The following UIMC1 variants were observed in gnomAD, a reference collection of about 807,000 sequenced individuals.
UIMC1 encodes the protein BRCA1-A complex subunit RAP80.
Under a neutral mutation model 84.9 loss-of-function variants are expected in UIMC1, and 42 were observed. That is an observed-to-expected ratio of 0.49 (90% CI 0.39 to 0.64). The LOEUF (loss-of-function observed/expected upper bound fraction) is 0.64, where lower values mean the gene tolerates loss of function less well. Among genes scored for constraint, UIMC1 ranks in the 30% least tolerant of loss-of-function variants. The probability of loss-of-function intolerance (pLI) is 0.00; values close to 1 mark genes in which losing one functional copy is unlikely to be tolerated. For synonymous variants in UIMC1, 281 were observed against 293.0 expected, an observed-to-expected ratio of 0.96 and a Z score of 0.42; for missense variants, 825 against 847.6, an observed-to-expected ratio of 0.97 and a Z score of 0.33.
intron 10 of UIMC1, among the ~76,000 whole-genome samples, chr5:176,919,795 T>C (rs1761471958): frequency 6.6e-6 from 1 of 152,200 alleles, no homozygotes; most frequent in Admixed American, 6.5e-5. Context: ...CAAAAATCAA[T>C]TGCCCACAAA....
Position 176,969,326 on chromosome 5 carries a change from A to T in UIMC1, c.464-35T>A. The T allele has an allele frequency of 1.9e-6, 3 of 1,558,928 alleles. No individual in the cohort carries two copies. In the South Asian group the frequency reaches 3.7e-5, roughly 19 times the overall value. On this transcript the variant is annotated intron_variant, in intron 5 of 14. Coordinates refer to ENST00000511320, the MANE Select transcript of UIMC1 (RefSeq NM_001199298.2). ...TTTGAGAAAAAGTAGGGCTAAGGAC[A>T]AACTTTTTTATTAAGAGGGCTTGGT...
intron 9 of UIMC1, among the ~76,000 whole-genome samples, chr5:176,945,678 A>G (rs1219292753): frequency 6.6e-6 from 1 of 152,204 alleles, no homozygotes; most frequent in Non-Finnish European, 1.5e-5. Flanking sequence ...GCCTGTCCAT[A>G]TGGATAAGAT....
At chr5:177,022,112 C>CA (rs1178489904) in intron 1 of UIMC1, among the ~76,000 whole-genome samples, 2 of 152,106 alleles carry the variant, frequency 1.3e-5, no homozygotes, top group African/African-American at 4.8e-5. Flanking sequence ...TGGTGGCTCC[C>CA]AAAGACACGG....
At position 176,905,184 on chromosome 5, in the gene UIMC1, TA is replaced by T; in HGVS notation, c.*97del. On this transcript the variant is annotated 3_prime_UTR_variant, in exon 15 of 15. Transcript: ENST00000511320. ...GTGCTGGTGGTGAAAACTGCAGGGCTAAAACTTGCTCAACAATGAACTAGGG... is the reference window on the plus strand; with the variant it reads ...GTGCTGGTGGTGAAAACTGCAGGGCTAAACTTGCTCAACAATGAACTAGGG... The T allele has an allele frequency of 7.4e-7, 1 of 1,359,550 alleles. No individual in the cohort carries two copies. The highest frequency in any genetic ancestry group is 1.0e-6 in the Non-Finnish European group (1 of 994,940). The allele number at this position is 1,359,550 out of a possible 1,614,324, so 84.2% of individuals were successfully genotyped here.
intron 10 of UIMC1, among the ~76,000 whole-genome samples, chr5:176,929,585 G>T (rs1210480288): frequency 6.6e-6 from 1 of 152,036 alleles, no homozygotes; most frequent in East Asian, 1.9e-4. Flanking sequence ...AGTTATCTGA[G>T]ATATAATCTG....
At chr5:176,918,922 T>C (rs758450975) in intron 10 of UIMC1, among the ~76,000 whole-genome samples, 36 of 152,280 alleles carry the variant, frequency 2.4e-4, no homozygotes, top group African/African-American at 8.7e-4. Flanking sequence ...CTGGCCTCAC[T>C]TTTTATTTAA....
chr5:176,998,949 G>A (rs913427873), intron 1 of UIMC1, among the ~76,000 whole-genome samples: 2 of 152,040 alleles, frequency 1.3e-5, no homozygotes, highest in African/African-American at 4.8e-5. Context: ...CAGCACTCTG[G>A]GTGGCCAAGG....
chr5:176,927,209 A>AG (rs758319912), intron 10 of UIMC1, among the ~76,000 whole-genome samples: 1,314 of 129,984 alleles, frequency 0.01, 8 homozygotes, highest in South Asian at 0.027. Context: ...TAAAAAAGAA[A>AG]AAAAAAAAAA....
chr5:176,924,054 A>T (rs947307687), intron 10 of UIMC1, among the ~76,000 whole-genome samples: 4 of 152,040 alleles, frequency 2.6e-5, no homozygotes, highest in Non-Finnish European at 4.4e-5. Flanking sequence ...ACGGTGGCTC[A>T]CGCGTGTAAT....
At chr5:177,022,449 G>T (rs947680264) in intron 1 of UIMC1, 30 of 383,536 alleles carry the variant, frequency 7.8e-5, no homozygotes, top group Non-Finnish European at 1.3e-4. Context: ...GAAATGAAAA[G>T]TATCAAGGGC....
intron 10 of UIMC1, among the ~76,000 whole-genome samples, chr5:176,931,985 A>G (rs1581427201): frequency 6.6e-6 from 1 of 152,180 alleles, no homozygotes; most frequent in Non-Finnish European, 1.5e-5. Flanking sequence ...AAAAACAAAC[A>G]AACAAACAAA....
intron 5 of UIMC1, 69 bp from the exon 6 acceptor site, chr5:176,969,360 A>G: frequency 6.6e-7 from 1 of 1,523,258 alleles, no homozygotes; most frequent in Non-Finnish European, 8.8e-7. Context: ...GTAAGTTATC[A>G]CTTACCAAGA....
intron 10 of UIMC1, among the ~76,000 whole-genome samples, chr5:176,921,188 T>A (rs1761664081): frequency 6.6e-6 from 1 of 152,218 alleles, no homozygotes; most frequent in South Asian, 2.1e-4. Flanking sequence ...TATCTGCATC[T>A]GTACCCATAT....
intron 1 of UIMC1, among the ~76,000 whole-genome samples, chr5:177,015,896 C>G (rs1581741015): frequency 6.6e-6 from 1 of 151,876 alleles, no homozygotes; most frequent in African/African-American, 2.4e-5. Flanking sequence ...ATGGTGAAAC[C>G]CTGTCTCTAC....
At chr5:176,982,343 G>A (rs1281982961) in intron 2 of UIMC1, 126 bp downstream of exon 2, 7 of 1,068,052 alleles carry the variant, frequency 6.6e-6, no homozygotes, top group Middle Eastern at 2.3e-4. Context: ...AAACAAAGCT[G>A]AGTAAAAATT....
chr5:176,923,849 G>A (rs1762019595), intron 10 of UIMC1, among the ~76,000 whole-genome samples: 1 of 136,454 alleles, frequency 7.3e-6, no homozygotes, highest in South Asian at 2.5e-4. Context: ...GGGCAACAGA[G>A]CAAGACTCTG....
At chr5:177,017,113 C>G (rs774906530) in intron 1 of UIMC1, among the ~76,000 whole-genome samples, 2 of 152,114 alleles carry the variant, frequency 1.3e-5, no homozygotes, top group Non-Finnish European at 2.9e-5. Context: ...AAGATGTGCC[C>G]CTGGGCCCCT....
intron 10 of UIMC1, among the ~76,000 whole-genome samples, chr5:176,929,269 T>A (rs548899816): frequency 8.9e-4 from 124 of 138,552 alleles, no homozygotes; most frequent in South Asian, 1.8e-3. Flanking sequence ...AGAAAAAAAA[T>A]TTATCATTAA....
intron 4 of UIMC1, chr5:176,970,101 T>G (rs946063865): frequency 1.7e-5 from 3 of 177,796 alleles, no homozygotes; most frequent in Non-Finnish European, 2.4e-5. Flanking sequence ...TGAAACCCAG[T>G]CTCTACTGAA....
Sources: gnomAD v4.1 joint callset for allele counts (sites outside exome capture counted in the v4.1 genomes callset) on GRCh38, gnomAD v4.1.1 for gene constraint, MANE v1.5 for transcripts, NCBI Gene and HGNC (gene_info 2026-07-23, HGNC 2026-07-21) for gene names.